Variants in MYO1F observed in about 807,000 individuals in gnomAD.
MYO1F encodes the protein unconventional myosin-If.
Under a neutral mutation model 146.6 loss-of-function variants are expected in MYO1F, and 60 were observed. That is an observed-to-expected ratio of 0.41 (90% confidence interval 0.33 to 0.51). The LOEUF (loss-of-function observed/expected upper bound fraction) is 0.51. Ranked by LOEUF, MYO1F falls within the 20% of genes least tolerant of loss-of-function variation. The probability of loss-of-function intolerance (pLI) is 0.25; values close to 1 mark genes in which losing one functional copy is unlikely to be tolerated. For synonymous variants in MYO1F, 602 were observed against 602.1 expected, an observed-to-expected ratio of 1.00 and a Z score of 0.00; for missense variants, 1,274 against 1,534.3, an observed-to-expected ratio of 0.83 and a Z score of 2.83.
chr19:8,557,252 T>C (rs1052304328), intron 1 of MYO1F, among the ~76,000 whole-genome samples: 4 of 151,864 alleles, frequency 2.6e-5, no homozygotes, highest in Admixed American at 6.6e-5. Context: ...GCCACTACAC[T>C]CCATCCTGGA....
intron 1 of MYO1F, among the ~76,000 whole-genome samples, chr19:8,573,317 A>G (rs1389091031): frequency 1.3e-5 from 2 of 151,944 alleles, no homozygotes; most frequent in South Asian, 4.2e-4. Flanking sequence ...TCTCAAAAAA[A>G]AAAGAAGAGA....
chr19:8,541,211 T>C (rs951965884), intron 15 of MYO1F, among the ~76,000 whole-genome samples: 2 of 152,028 alleles, frequency 1.3e-5, no homozygotes, highest in Non-Finnish European at 2.9e-5. Context: ...AAAGAATTTT[T>C]TTTTAAGAGA....
At chr19:8,564,178 C>T (rs112538078) in intron 1 of MYO1F, among the ~76,000 whole-genome samples, 5,870 of 151,876 alleles carry the variant, frequency 0.039, 224 homozygotes, top group African/African-American at 0.1. Context: ...GTCAGGAGTT[C>T]GAGACCAGCC....
At chr19:8,554,104 C>T (rs1283705134) in intron 4 of MYO1F, among the ~76,000 whole-genome samples, 2 of 151,834 alleles carry the variant, frequency 1.3e-5, no homozygotes, top group Non-Finnish European at 1.5e-5. Flanking sequence ...GGACTACAGG[C>T]GTGCACCACC....
At chr19:8,570,352 G>A (rs2042085697) in intron 1 of MYO1F, among the ~76,000 whole-genome samples, 1 of 149,658 alleles carries the variant, frequency 6.7e-6, no homozygotes, top group Non-Finnish European at 1.5e-5. Flanking sequence ...TTATAGGCGT[G>A]AGCCACTGCA....
intron 19 of MYO1F, among the ~76,000 whole-genome samples, chr19:8,531,409 T>G (rs1217211867): frequency 6.6e-6 from 1 of 152,176 alleles, no homozygotes; most frequent in Non-Finnish European, 1.5e-5. Context: ...AGTGTGGTGG[T>G]GCAGTCATAG....
chr19:8,543,758 GGTGGTGGT>G lies in MYO1F; in HGVS notation c.1524+531_1524+538del, dbSNP rs1431930373. Among the ~76,000 whole-genome samples, 3 of 9,488 alleles carry G rather than the reference GGTGGTGGT, an allele frequency of 3.2e-4. 1 individual carries two copies. Among genetic ancestry groups the G allele is most frequent in the African/African-American group, 1.2e-3 (2 of 1,664 alleles). 6.2% of individuals were successfully genotyped at this position (9,488 alleles called of 152,430 possible). ...TGCTGGTGGTGCTGGTGGTGGTGGT[GGTGGTGGT>G]GCTGGTGGTGCTGGTGGTGCTGGTG... On this transcript the variant is annotated intron_variant, in intron 14 of 27. Transcript: ENST00000644032.
In MYO1F at chr19:8,568,283, T is replaced by C. The variant is rs550205333; in HGVS notation, c.3+9024A>G. Among the ~76,000 whole-genome samples the C allele has an allele frequency of 8.2e-3, 1,238 of 151,772 alleles. 19 individuals are homozygous for C. The highest frequency in any genetic ancestry group is 0.028 in the African/African-American group (1,171 of 41,382). ...CTAAAACTACAAAAAATTAGCCAGG[T>C]GCGGTGGCGGGCGCCCGTAGTCCCA... On this transcript the variant is annotated intron_variant, in intron 1 of 27. Transcript: ENST00000644032.
intron 1 of MYO1F, among the ~76,000 whole-genome samples, chr19:8,562,308 C>CT (rs1240151876): frequency 1.3e-5 from 2 of 151,944 alleles, no homozygotes; most frequent in African/African-American, 4.8e-5. Context: ...CCCTTCCTTT[C>CT]TTTTTCTTGT....
At position 8,522,457 on chromosome 19, in the gene MYO1F, C is replaced by G; in HGVS notation, c.3140G>C (p.Arg1047Pro). 1 of 1,614,110 alleles carries G rather than the reference C, an allele frequency of 6.2e-7. No homozygotes were observed. The highest frequency in any genetic ancestry group is 8.5e-7 in the Non-Finnish European group (1 of 1,180,020). Reference sequence around the variant, plus strand: ...TTGGCCCACGTACTGGTATAGGGCCCGGCACCTGGGACCATGTGTCCGAGG... The same window carrying G: ...TTGGCCCACGTACTGGTATAGGGCCGGGCACCTGGGACCATGTGTCCGAGG... ...PQPRTHGPRC[R>P]ALYQYVGQDV... Residue 1047 changes from arginine (R) to proline (P), a missense_variant, in exon 27 of 28, where the codon CGG (arginine) becomes CCG (proline). Arg to Pro is a moderately radical substitution (Grantham distance 103). Around this residue, in one of 2 missense-constraint regions of MYO1F, gnomAD observed 374 missense variants for 379.2 expected, o/e 0.99. Coordinates refer to ENST00000644032, the MANE Select transcript of MYO1F (RefSeq NM_012335.4).
At chr19:8,543,729 GTGGTGCTGGTGGTGC>G (rs1568348656) in intron 14 of MYO1F, among the ~76,000 whole-genome samples, 1 of 12,008 alleles carries the variant, frequency 8.3e-5, no homozygotes, top group Non-Finnish European at 1.6e-4. Context: ...GGTGGTGCTG[GTGGTGCTGGTGGTGC>G]TGGTGGTGGT....
At chr19:8,546,014 T>C (rs1469624788) in intron 12 of MYO1F, among the ~76,000 whole-genome samples, 1 of 151,738 alleles carries the variant, frequency 6.6e-6, no homozygotes, top group Non-Finnish European at 1.5e-5. Context: ...TGCATTCCGG[T>C]TGTCCACAGC....
intron 19 of MYO1F, among the ~76,000 whole-genome samples, chr19:8,535,702 C>T (rs1599932793): frequency 1.3e-5 from 2 of 149,338 alleles, no homozygotes; most frequent in African/African-American, 2.5e-5. Context: ...TTTTTTGAGA[C>T]GGAGTCTCGC....
In MYO1F at chr19:8,530,525, G is replaced by T; in HGVS notation, c.2092C>A (p.Arg698=). The T allele has an allele frequency of 6.2e-7, 1 of 1,613,458 alleles. No homozygotes were observed. The highest frequency in any genetic ancestry group is 8.5e-7 in the Non-Finnish European group (1 of 1,180,028). The stretch of plus-strand genomic sequence containing the variant: ...CGCCGCCAGGCCTTCTGGATGGTTC[G>T]GGCAAAGCCATCGAACTTTCGCTCT... The part of the protein sequence containing the change: ...VRERKFDGFA[R]TIQKAWRRHV... Residue 698 remains arginine (R), a synonymous_variant, in exon 20 of 28, where the codon CGA becomes AGA. Coordinates refer to ENST00000644032, the MANE Select transcript of MYO1F (RefSeq NM_012335.4). This position sits in a 1 kb window ranked among gnomAD's most constrained non-coding sequence, Gnocchi z 5.8.
chr19:8,543,681 GTGGTGGTGGTGGTGGTGGTGGTGGTGC>G (rs1973093366), intron 14 of MYO1F, among the ~76,000 whole-genome samples: 3 of 50,194 alleles, frequency 6.0e-5, no homozygotes, highest in Non-Finnish European at 1.1e-4. Flanking sequence ...GGTGCTGGTG[GTGGTGGTGGTGGTGGTGGTGGTGGTGC>G]TGGTGGTGGT....
chr19:8,567,714 A>G (rs1443643145), intron 1 of MYO1F, among the ~76,000 whole-genome samples: 1 of 152,222 alleles, frequency 6.6e-6, no homozygotes, highest in Non-Finnish European at 1.5e-5. Context: ...GTCCTCTTCA[A>G]GGACACACAG....
At chr19:8,545,466 T>G in intron 13 of MYO1F, 184 bp downstream of exon 13, 1 of 673,820 alleles carries the variant, frequency 1.5e-6, no homozygotes, top group South Asian at 1.6e-5. Context: ...GGTGGACAAG[T>G]AGGCGGAATG....
chr19:8,574,011 A>G (rs1473830007), intron 1 of MYO1F, among the ~76,000 whole-genome samples: 1 of 152,100 alleles, frequency 6.6e-6, no homozygotes, highest in Non-Finnish European at 1.5e-5. Context: ...CCAGAAACCA[A>G]CAATAAACTA....
Position 8,553,368 on chromosome 19 carries a change from G to A in MYO1F, c.396C>T (p.Gly132=), listed in dbSNP as rs764217128. The A allele has an allele frequency of 3.2e-5, 52 of 1,613,896 alleles. No individual in the cohort carries two copies. The East Asian group carries it at 6.2e-4, about 19-fold the overall frequency. Residue 132 remains glycine, a synonymous_variant, in exon 5 of 28, where the codon GGC becomes GGT. Transcript: ENST00000644032. ...GTCTCACCTGGACCTTCTCGCCTCC[G>A]CCAGACACCTTGGAGATGTAGCCCA... The part of the protein sequence containing the change: ...YIMGYISKVS[G]GGEKVQHVKD...
Sources: gnomAD v4.1 joint callset for allele counts (sites outside exome capture counted in the v4.1 genomes callset) on GRCh38, gnomAD v4.1.1 for gene constraint, gnomAD v4.1.1 regional missense constraint, Gnocchi (gnomAD v3.1) non-coding constraint, MANE v1.5 for transcripts, NCBI Gene and HGNC (gene_info 2026-07-23, HGNC 2026-07-21) for gene names.